Variants in EXT1 observed in about 807,000 individuals in gnomAD.
The protein encoded by EXT1 is exostosin glycosyltransferase 1, also known as exostosin-1.
Under a neutral mutation model 82.5 loss-of-function variants are expected in EXT1, and 20 were observed. That is an observed-to-expected ratio of 0.24 (90% confidence interval 0.17 to 0.35). The LOEUF (loss-of-function observed/expected upper bound fraction) is 0.35. Ranked by LOEUF, EXT1 falls within the 10% of genes least tolerant of loss-of-function variation. The pLI, the probability that EXT1 is intolerant of heterozygous loss-of-function variation, is 1.00. For synonymous variants in EXT1, 348 were observed against 350.8 expected (o/e 0.99, Z 0.09); for missense variants, 757 against 936.5 (o/e 0.81, Z 2.50).
At chr8:117,932,495 A>G (rs1220173224) in intron 1 of EXT1, among the ~76,000 whole-genome samples, 2 of 152,180 alleles carry the variant, frequency 1.3e-5, no homozygotes, top group African/African-American at 4.8e-5. Context: ...TAACAAATGT[A>G]GGAGGCTGTT....
intron 1 of EXT1, among the ~76,000 whole-genome samples, chr8:118,047,963 T>C (rs578132850): frequency 6.6e-6 from 1 of 151,552 alleles, no homozygotes; most frequent in Non-Finnish European, 1.5e-5. Context: ...GAGGCAGAGG[T>C]TGCAGTGAGC....
chr8:117,870,789 A>G (rs566870004), intron 1 of EXT1, among the ~76,000 whole-genome samples: 2 of 150,932 alleles, frequency 1.3e-5, no homozygotes, highest in East Asian at 3.9e-4. Flanking sequence ...CCGTATCCAC[A>G]TCAGGACTCA....
At chr8:117,821,919 GA>G (rs1811930820) in intron 5 of EXT1, among the ~76,000 whole-genome samples, 1 of 152,186 alleles carries the variant, frequency 6.6e-6, no homozygotes, top group African/African-American at 2.4e-5. Context: ...AAAACCGCTT[GA>G]AAGCAGAGAT....
intron 1 of EXT1, 100 bp downstream of exon 1, chr8:118,109,984 AG>A: frequency 6.3e-7 from 1 of 1,576,404 alleles, no homozygotes; most frequent in Non-Finnish European, 8.7e-7. Context: ...AAGAGGACTG[AG>A]GGCTCATCCG....
intron 1 of EXT1, among the ~76,000 whole-genome samples, chr8:118,106,784 G>A (rs17477483): frequency 0.02 from 3,027 of 152,206 alleles, 98 homozygotes; most frequent in African/African-American, 0.069. Context: ...AAAATACAAA[G>A]AATTTCTCTA....
At chr8:117,909,762 TA>T (rs2129986782) in intron 1 of EXT1, among the ~76,000 whole-genome samples, 1 of 135,016 alleles carries the variant, frequency 7.4e-6, no homozygotes, top group African/African-American at 2.7e-5. Context: ...GGTTGTAAAT[TA>T]ATTTTTTTTT....
At chr8:117,976,969 T>G (rs1418592112) in intron 1 of EXT1, among the ~76,000 whole-genome samples, 1 of 152,146 alleles carries the variant, frequency 6.6e-6, no homozygotes, top group East Asian at 1.9e-4. Flanking sequence ...TACTGAGGTT[T>G]TAATGTTTGC....
chr8:118,004,834 T>C (rs1815742135), intron 1 of EXT1, among the ~76,000 whole-genome samples: 1 of 152,174 alleles, frequency 6.6e-6, no homozygotes, highest in Non-Finnish European at 1.5e-5. Flanking sequence ...GGCAACAATA[T>C]TGCCTTAGGA....
chr8:118,053,299 C>G (rs17431644), intron 1 of EXT1, among the ~76,000 whole-genome samples: 2 of 152,108 alleles, frequency 1.3e-5, no homozygotes, highest in East Asian at 3.9e-4. Flanking sequence ...GATGACCCTT[C>G]GGCCAATGTC....
intron 1 of EXT1, among the ~76,000 whole-genome samples, chr8:117,994,488 G>A (rs1015673959): frequency 7.2e-5 from 11 of 152,174 alleles, no homozygotes; most frequent in African/African-American, 2.7e-4. Flanking sequence ...ATACACGTCT[G>A]TAGTCCCAGC....
At chr8:118,002,726 G>T (rs541418120) in intron 1 of EXT1, among the ~76,000 whole-genome samples, 5 of 151,784 alleles carry the variant, frequency 3.3e-5, no homozygotes, top group African/African-American at 7.2e-5. Flanking sequence ...TAGAGACGGG[G>T]TTTCACCGTG....
chr8:117,897,761 A>AT (rs1454361894), intron 1 of EXT1, among the ~76,000 whole-genome samples: 6 of 151,504 alleles, frequency 4.0e-5, no homozygotes, highest in African/African-American at 1.5e-4. Context: ...CGCCCAGCTA[A>AT]TTTTTGTATT....
At chr8:118,000,574 C>T (rs766608190) in intron 1 of EXT1, among the ~76,000 whole-genome samples, 9 of 152,192 alleles carry the variant, frequency 5.9e-5, no homozygotes, top group Admixed American at 3.3e-4. Context: ...TCTTATTGGT[C>T]AATAACATGC....
intron 1 of EXT1, among the ~76,000 whole-genome samples, chr8:117,976,852 A>G (rs1815074627): frequency 6.6e-6 from 1 of 152,214 alleles, no homozygotes; most frequent in South Asian, 2.1e-4. Context: ...GGGGTTAGGG[A>G]GAGAGGGGTA....
intron 1 of EXT1, among the ~76,000 whole-genome samples, chr8:117,984,688 C>T (rs1356556525): frequency 2.0e-5 from 3 of 151,876 alleles, no homozygotes; most frequent in African/African-American, 4.8e-5. Context: ...GACAGGAAGC[C>T]GAGTGCCATG....
At chr8:117,861,486 A>ATTTTTTTTT (rs1812683826) in intron 1 of EXT1, among the ~76,000 whole-genome samples, 1 of 98,858 alleles carries the variant, frequency 1.0e-5, no homozygotes, top group African/African-American at 3.7e-5. Flanking sequence ...TGAAGTTTTT[A>ATTTTTTTTT]TCTTTTTTTT....
At chr8:117,999,960 GTATA>G (rs10660296) in intron 1 of EXT1, among the ~76,000 whole-genome samples, 1 of 150,718 alleles carries the variant, frequency 6.6e-6, no homozygotes, top group East Asian at 1.9e-4. Context: ...GTATGTGCGT[GTATA>G]TATATATATG....
intron 4 of EXT1, among the ~76,000 whole-genome samples, chr8:117,829,924 T>C (rs1014104427): frequency 2.1e-4 from 32 of 152,078 alleles, no homozygotes; most frequent in African/African-American, 7.0e-4. Flanking sequence ...AAGGATGCCA[T>C]TGAGTGTAAA....
At chr8:117,812,779 G>T in intron 8 of EXT1, 93 bp downstream of exon 8, 1 of 1,183,936 alleles carries the variant, frequency 8.4e-7, no homozygotes. Flanking sequence ...TTCAACTTCT[G>T]CCAAGGCACG....
Sources: gnomAD v4.1 joint callset for allele counts (sites outside exome capture counted in the v4.1 genomes callset) on GRCh38, gnomAD v4.1.1 for gene constraint, MANE v1.5 for transcripts, NCBI Gene and HGNC (gene_info 2026-07-23, HGNC 2026-07-21) for gene names.